BNC2: variants seen among roughly 807,000 people sequenced by gnomAD.
BNC2 encodes basonuclin zinc finger protein 2, also known as zinc finger protein basonuclin-2.
A neutral mutation model predicts 76.3 loss-of-function variants in BNC2; 20 were observed. The observed-to-expected ratio is 0.26, with a 90% CI of 0.18 to 0.38. The LOEUF (loss-of-function observed/expected upper bound fraction) is 0.38. BNC2 is among the 10% of genes least tolerant of loss of function. The probability of loss-of-function intolerance (pLI) is 1.00; values close to 1 mark genes in which losing one functional copy is unlikely to be tolerated. For synonymous variants in BNC2, 582 were observed against 514.8 expected, an observed-to-expected ratio of 1.13 and a Z score of -1.77; for missense variants, 1,382 against 1,399.8, an observed-to-expected ratio of 0.99 and a Z score of 0.20.
intron 4 of BNC2, among the ~76,000 whole-genome samples, chr9:16,555,750 T>C (rs1171091567): frequency 1.3e-5 from 2 of 152,058 alleles, no homozygotes; most frequent in African/African-American, 2.4e-5. Flanking sequence ...TGAGCCATGA[T>C]TGTATCACTG....
chr9:16,678,267 CTTTTTTT>C (rs140809930), intron 3 of BNC2, among the ~76,000 whole-genome samples: 134 of 80,728 alleles, frequency 1.7e-3, no homozygotes, highest in African/African-American at 5.2e-3. Flanking sequence ...CTTTCTTTTT[CTTTTTTT>C]TTTTTTTTTT....
chr9:16,423,184 A>T (rs1457078409), intron 6 of BNC2, among the ~76,000 whole-genome samples: 1 of 152,226 alleles, frequency 6.6e-6, no homozygotes, highest in Non-Finnish European at 1.5e-5. Flanking sequence ...GTTTTTCTAG[A>T]AACAGATTTA....
chr9:16,742,679 G>C (rs1455955308), intron 1 of BNC2, among the ~76,000 whole-genome samples: 1 of 152,068 alleles, frequency 6.6e-6, no homozygotes, highest in Admixed American at 6.6e-5. Flanking sequence ...TGAGCTTCGT[G>C]GTCTCCTGTT....
At chr9:16,802,632 C>T (rs1210315345) in intron 1 of BNC2, among the ~76,000 whole-genome samples, 1 of 152,152 alleles carries the variant, frequency 6.6e-6, no homozygotes, top group Non-Finnish European at 1.5e-5. Context: ...TCATCTCTCC[C>T]ATTCTTTGTC....
At chr9:16,770,401 G>A (rs1346077537) in intron 1 of BNC2, among the ~76,000 whole-genome samples, 1 of 152,166 alleles carries the variant, frequency 6.6e-6, no homozygotes, top group African/African-American at 2.4e-5. Flanking sequence ...CTGACAATCA[G>A]AAGGTAAATT....
In BNC2 at chr9:16,810,957, G is replaced by A. The variant is rs927325652; in HGVS notation, c.3+59689C>T. ...TACAGGGGCCAGCGCAGTGGCTCAC[G>A]CCTGTAATCCCAGCAATTTGGGAGG... On this transcript the variant is annotated intron_variant, in intron 1 of 6. Transcript: ENST00000380672. Among the ~76,000 whole-genome samples the A allele has an allele frequency of 3.3e-5, 5 of 152,140 alleles. No individual in the cohort carries two copies. In the East Asian group the frequency reaches 5.8e-4, roughly 18 times the overall value.
chr9:16,588,450 G>A (rs1023025284), intron 3 of BNC2, among the ~76,000 whole-genome samples: 31 of 152,004 alleles, frequency 2.0e-4, no homozygotes, highest in African/African-American at 7.2e-4. Flanking sequence ...TACTATTATG[G>A]TTCAGAAACG....
At chr9:16,788,381 G>C (rs146529643) in intron 1 of BNC2, among the ~76,000 whole-genome samples, 3 of 151,622 alleles carry the variant, frequency 2.0e-5, no homozygotes, top group South Asian at 2.1e-4. Flanking sequence ...GTGAAACCCC[G>C]TCTCTACCAA....
intron 5 of BNC2, among the ~76,000 whole-genome samples, chr9:16,549,323 C>T (rs1049591721): frequency 2.6e-5 from 4 of 152,196 alleles, no homozygotes; most frequent in Non-Finnish European, 5.9e-5. Context: ...CAACTGCTAA[C>T]CAAGTCAATA....
intron 3 of BNC2, among the ~76,000 whole-genome samples, chr9:16,667,240 C>A (rs1223142818): frequency 1.3e-5 from 2 of 152,128 alleles, no homozygotes; most frequent in South Asian, 2.1e-4. Context: ...ATAATAGCAT[C>A]CATTTATTTA....
chr9:16,663,662 G>A (rs1398168341), intron 3 of BNC2, among the ~76,000 whole-genome samples: 2 of 152,008 alleles, frequency 1.3e-5, no homozygotes, highest in Non-Finnish European at 2.9e-5. Flanking sequence ...ACACAAAAGA[G>A]CATTTCAAAA....
chr9:16,725,217 T>TCTCACACACACA (rs1554717037), intron 3 of BNC2, among the ~76,000 whole-genome samples: 7 of 148,162 alleles, frequency 4.7e-5, no homozygotes, highest in East Asian at 2.0e-4. Flanking sequence ...TCTCTCTCTC[T>TCTCACACACACA]CACACACACA....
At chr9:16,557,984 G>C (rs1000653515) in intron 4 of BNC2, among the ~76,000 whole-genome samples, 1 of 151,894 alleles carries the variant, frequency 6.6e-6, no homozygotes, top group African/African-American at 2.4e-5. Flanking sequence ...GCTAGGACTA[G>C]AGGTGCATGC....
At chr9:16,555,483 TA>T (rs1203562314) in intron 4 of BNC2, among the ~76,000 whole-genome samples, 1 of 152,194 alleles carries the variant, frequency 6.6e-6, no homozygotes, top group Non-Finnish European at 1.5e-5. Flanking sequence ...TTCTTCTTCA[TA>T]AGTGTACCAT....
At chr9:16,792,143 A>T (rs1420197600) in intron 1 of BNC2, among the ~76,000 whole-genome samples, 1 of 152,102 alleles carries the variant, frequency 6.6e-6, no homozygotes, top group African/African-American at 2.4e-5. Flanking sequence ...CATCATACCA[A>T]CTATACACTC....
chr9:16,506,513 C>CT (rs568955982), intron 5 of BNC2, among the ~76,000 whole-genome samples: 5,730 of 43,180 alleles, frequency 0.13, 1,542 homozygotes, highest in Non-Finnish European at 0.19. Context: ...TCTCTCTCCT[C>CT]TTTTTTTTTT....
intron 5 of BNC2, among the ~76,000 whole-genome samples, chr9:16,443,147 A>C (rs1466806898): frequency 6.6e-6 from 1 of 152,036 alleles, no homozygotes; most frequent in African/African-American, 2.4e-5. Flanking sequence ...AGTCAAGTTT[A>C]AGGTATAATT....
chr9:16,728,097 G>A, intron 2 of BNC2, 100 bp from the exon 3 acceptor site: 3 of 825,222 alleles, frequency 3.6e-6, no homozygotes, highest in African/African-American at 1.7e-5. Flanking sequence ...ATTTGGGAAG[G>A]GGGAGATTTG....
chr9:16,731,265 T>C (rs1005840704), intron 2 of BNC2, among the ~76,000 whole-genome samples: 1 of 152,198 alleles, frequency 6.6e-6, no homozygotes, highest in African/African-American at 2.4e-5. Context: ...TCCACAATAA[T>C]TGCTTTTTGC....
Sources: allele counts gnomAD v4.1 joint callset (sites outside exome capture counted in the v4.1 genomes callset), GRCh38; gene constraint gnomAD v4.1.1; transcripts MANE v1.5; gene names NCBI Gene and HGNC (gene_info 2026-07-23, HGNC 2026-07-21).